The following LAMA3 variants were observed in gnomAD, a reference collection of about 807,000 sequenced individuals.
LAMA3 encodes laminin subunit alpha 3, also known as laminin subunit alpha-3.
LAMA3 carries 281 observed loss-of-function variants against 402.0 expected under a neutral mutation model. The ratio of observed to expected loss-of-function variants is 0.70; its 90% CI spans 0.63 to 0.77. LAMA3 has a LOEUF of 0.77. Ranked by LOEUF, LAMA3 falls within the 30% of genes least tolerant of loss-of-function variation. The pLI, the probability that LAMA3 is intolerant of heterozygous loss-of-function variation, is 0.00. For synonymous variants in LAMA3, 1,431 were observed against 1,558.4 expected (o/e 0.92, Z 1.93); for missense variants, 3,840 against 4,215.5 (o/e 0.91, Z 2.47).
At chr18:23,758,173 A>G (rs1318501766) in intron 6 of LAMA3, among the ~76,000 whole-genome samples, 1 of 152,222 alleles carries the variant, frequency 6.6e-6, no homozygotes, top group Non-Finnish European at 1.5e-5. Context: ...AGGTATCTTA[A>G]TACCTCTGAT....
intron 27 of LAMA3, among the ~76,000 whole-genome samples, chr18:23,840,578 G>A (rs2063679369): frequency 1.3e-5 from 2 of 151,756 alleles, no homozygotes; most frequent in African/African-American, 2.4e-5. Flanking sequence ...GTAGAGGTGG[G>A]ATCTTGCTAT....
intron 67 of LAMA3, among the ~76,000 whole-genome samples, 153 bp from the exon 68 acceptor site, chr18:23,939,070 A>T (rs1024524853): frequency 6.6e-6 from 1 of 152,186 alleles, no homozygotes; most frequent in African/African-American, 2.4e-5. Flanking sequence ...AAGGGCTCTC[A>T]GCGGAAACTT....
rs186430384 is a variant in LAMA3, at chr18:23,921,593, G to A, written c.8177+8G>A. 3.0e-4 allele frequency: 484 copies of A among 1,613,580 alleles called. 2 individuals are homozygous for A. The African/African-American group carries it at 5.8e-3, about 19-fold the overall frequency. On this transcript the variant is annotated splice_region_variant and intron_variant, in intron 62 of 74. Coordinates refer to ENST00000313654, the MANE Select transcript of LAMA3 (RefSeq NM_198129.4). ...AATTGCAATCAGGGAAAGGTAAGAT[G>A]ATTTTTTTAAAACGAGATTTAAAGC...
At chr18:23,844,667 G>A (rs939508609) in intron 29 of LAMA3, among the ~76,000 whole-genome samples, 4 of 152,204 alleles carry the variant, frequency 2.6e-5, no homozygotes, top group African/African-American at 7.2e-5. Flanking sequence ...CAATAAGGGT[G>A]TTGATCTCAG....
chr18:23,929,065 T>C (rs1407574554), intron 64 of LAMA3, among the ~76,000 whole-genome samples: 2 of 152,246 alleles, frequency 1.3e-5, no homozygotes, highest in Non-Finnish European at 2.9e-5. Context: ...TTATAACTAC[T>C]GTAGTTAATA....
chr18:23,833,337 G>A (rs2063520692), intron 23 of LAMA3, among the ~76,000 whole-genome samples: 2 of 152,048 alleles, frequency 1.3e-5, no homozygotes, highest in African/African-American at 4.8e-5. Flanking sequence ...CCTTATCCCA[G>A]GAGCGAGATG....
chr18:23,951,559 G>A, intron 72 of LAMA3, 125 bp from the exon 73 acceptor site: 1 of 718,476 alleles, frequency 1.4e-6, no homozygotes. Flanking sequence ...CAAAAGCGGA[G>A]GAGGGCCAAT....
chr18:23,953,175 T>C, intron 74 of LAMA3, 66 bp downstream of exon 74: 1 of 1,597,958 alleles, frequency 6.3e-7, no homozygotes, highest in South Asian at 1.1e-5. Context: ...ACTTCTTAAT[T>C]AGTGGCAGGG....
At chr18:23,858,862 T>A (rs2064148601) in intron 34 of LAMA3, 33 bp downstream of exon 34, 3 of 1,607,786 alleles carry the variant, frequency 1.9e-6, no homozygotes, top group Non-Finnish European at 1.7e-6. Flanking sequence ...GGGGAACATT[T>A]TGTACATGGA....
chr18:23,860,261 C>CTTTT (rs59852195), intron 34 of LAMA3, among the ~76,000 whole-genome samples: 24 of 112,640 alleles, frequency 2.1e-4, no homozygotes, highest in Non-Finnish European at 2.5e-4. Flanking sequence ...CTTTTCTTTT[C>CTTTT]TTTTTTTTTT....
intron 12 of LAMA3, among the ~76,000 whole-genome samples, chr18:23,808,281 T>C (rs1171514204): frequency 6.6e-6 from 1 of 152,164 alleles, no homozygotes; most frequent in Non-Finnish European, 1.5e-5. Flanking sequence ...CCTATATAAA[T>C]TAAATTTCTA....
Position 23,890,128 on chromosome 18 carries a change from C to T in LAMA3, c.5410+11C>T, listed in dbSNP as rs1461487561. 2.6e-6 allele frequency: 4 copies of T among 1,542,758 alleles called. No individual in the cohort carries two copies. The African/African-American group carries it at 5.4e-5, about 21-fold the overall frequency. On this transcript the variant is annotated intron_variant, in intron 42 of 74. Coordinates refer to ENST00000313654, the MANE Select transcript of LAMA3 (RefSeq NM_198129.4). ...ATCCCCTGACTGGAGGTAAGGCCGACCCACACCCCTGCTAACTTGCATTTA... is the reference window on the plus strand; with the variant it reads ...ATCCCCTGACTGGAGGTAAGGCCGATCCACACCCCTGCTAACTTGCATTTA...
intron 2 of LAMA3, among the ~76,000 whole-genome samples, chr18:23,722,848 G>A (rs1221188544): frequency 2.6e-5 from 4 of 152,008 alleles, no homozygotes; most frequent in Non-Finnish European, 5.9e-5. Flanking sequence ...TGCAACTTTG[G>A]GTCAACACAC....
chr18:23,868,119 C>A (rs556712203), intron 37 of LAMA3, among the ~76,000 whole-genome samples: 2 of 152,242 alleles, frequency 1.3e-5, no homozygotes, highest in Admixed American at 1.3e-4. Flanking sequence ...TGAGCACCAA[C>A]ATGACACTCA....
intron 67 of LAMA3, 44 bp from the exon 68 acceptor site, chr18:23,939,179 T>A: frequency 6.3e-7 from 1 of 1,595,036 alleles, no homozygotes; most frequent in African/African-American, 1.3e-5. Flanking sequence ...ATAAGCATTC[T>A]TCACTCTTTC....
chr18:23,744,539 CA>C (rs1026324882), intron 2 of LAMA3, among the ~76,000 whole-genome samples: 1 of 151,992 alleles, frequency 6.6e-6, no homozygotes, highest in African/African-American at 2.4e-5. Flanking sequence ...CATAATGCTT[CA>C]AAAGAATCTG....
chr18:23,951,353 C>T (rs996556498), intron 72 of LAMA3, among the ~76,000 whole-genome samples: 3 of 151,802 alleles, frequency 2.0e-5, no homozygotes, highest in Admixed American at 6.7e-5. Context: ...GCCACTGTCA[C>T]GCATTAATTG....
At chr18:23,699,682 G>T (rs190417659) in intron 1 of LAMA3, among the ~76,000 whole-genome samples, 20 of 152,260 alleles carry the variant, frequency 1.3e-4, no homozygotes, top group Non-Finnish European at 2.4e-4. Flanking sequence ...GTAAACTTGC[G>T]TTTGCCTTGG....
At chr18:23,721,863 C>T (rs2061219677) in intron 2 of LAMA3, among the ~76,000 whole-genome samples, 1 of 152,188 alleles carries the variant, frequency 6.6e-6, no homozygotes. Context: ...TAGTGGTGAG[C>T]TGAGAAAGAT....
Sources: gnomAD v4.1 joint callset for allele counts (sites outside exome capture counted in the v4.1 genomes callset) on GRCh38, gnomAD v4.1.1 for gene constraint, MANE v1.5 for transcripts, NCBI Gene and HGNC (gene_info 2026-07-23, HGNC 2026-07-21) for gene names.